The following B3GALT1 variants were observed in gnomAD, a reference collection of about 807,000 sequenced individuals.
The protein encoded by B3GALT1 is beta-1,3-galactosyltransferase 1.
In B3GALT1, 10 loss-of-function variants were observed where a neutral mutation model predicts 23.2. The observed-to-expected ratio is 0.43, with a 90% CI of 0.27 to 0.73. B3GALT1 has a LOEUF of 0.73. B3GALT1 is among the 30% of genes least tolerant of loss of function. The probability of loss-of-function intolerance (pLI) is 0.21; values close to 1 mark genes in which losing one functional copy is unlikely to be tolerated. For missense variants in B3GALT1, 299 were observed against 405.4 expected, an observed-to-expected ratio of 0.74 and a Z score of 2.25; for synonymous variants, 156 against 141.5, an observed-to-expected ratio of 1.10 and a Z score of -0.73.
chr2:167,673,417 A>G (rs1686367137), intron 3 of B3GALT1, among the ~76,000 whole-genome samples: 1 of 152,146 alleles, frequency 6.6e-6, no homozygotes, highest in Non-Finnish European at 1.5e-5. Context: ...TTGAAATAAC[A>G]GAAAATAGCA....
chr2:167,497,559 G>A (rs372380031), intron 2 of B3GALT1, among the ~76,000 whole-genome samples: 1 of 151,980 alleles, frequency 6.6e-6, no homozygotes, highest in African/African-American at 2.4e-5. Flanking sequence ...GATTGAATTG[G>A]GACAAAAGAG....
chr2:167,662,559 G>A (rs969881090), intron 3 of B3GALT1, among the ~76,000 whole-genome samples: 1 of 152,046 alleles, frequency 6.6e-6, no homozygotes, highest in African/African-American at 2.4e-5. Context: ...TATAATAGCC[G>A]ATTTACTACC....
chr2:167,848,987 CA>C (rs577356469), intron 4 of B3GALT1, among the ~76,000 whole-genome samples: 2 of 151,448 alleles, frequency 1.3e-5, no homozygotes, highest in African/African-American at 4.8e-5. Flanking sequence ...ACAATAGCTG[CA>C]AAAAAAATAA....
chr2:167,737,777 A>G (rs1192965476), intron 3 of B3GALT1, among the ~76,000 whole-genome samples: 1 of 152,212 alleles, frequency 6.6e-6, no homozygotes, highest in African/African-American at 2.4e-5. Flanking sequence ...AGTGGAAGCT[A>G]CATGTTAGCT....
intron 2 of B3GALT1, among the ~76,000 whole-genome samples, chr2:167,607,941 A>T (rs1030030732): frequency 6.6e-6 from 1 of 152,134 alleles, no homozygotes; most frequent in East Asian, 1.9e-4. Context: ...AGCTTAGTGC[A>T]ATTATCCTTC....
chr2:167,502,095 T>C (rs2105348752), intron 2 of B3GALT1, among the ~76,000 whole-genome samples: 1 of 152,336 alleles, frequency 6.6e-6, no homozygotes, highest in South Asian at 2.1e-4. Context: ...ACTGAAAGTT[T>C]CCTGAAAGGC....
intron 1 of B3GALT1, among the ~76,000 whole-genome samples, chr2:167,434,467 T>G (rs1698747877): frequency 1.3e-5 from 2 of 149,062 alleles, no homozygotes; most frequent in Admixed American, 1.3e-4. Flanking sequence ...TTCTAAACAC[T>G]GTATCATTTC....
At chr2:167,548,300 C>G (rs1285419241) in intron 2 of B3GALT1, among the ~76,000 whole-genome samples, 1 of 152,174 alleles carries the variant, frequency 6.6e-6, no homozygotes, top group Non-Finnish European at 1.5e-5. Flanking sequence ...AGAAATCAAG[C>G]TTACCAGTGA....
intron 2 of B3GALT1, among the ~76,000 whole-genome samples, chr2:167,580,222 C>A (rs1436004614): frequency 1.3e-5 from 2 of 152,120 alleles, no homozygotes; most frequent in Non-Finnish European, 2.9e-5. Flanking sequence ...AACTTACAAT[C>A]TTTTAAGATG....
intron 2 of B3GALT1, among the ~76,000 whole-genome samples, chr2:167,500,018 A>G (rs1699830342): frequency 6.6e-6 from 1 of 152,014 alleles, no homozygotes; most frequent in Non-Finnish European, 1.5e-5. Context: ...TGCGAGAGAG[A>G]CAGTCCAAGA....
At chr2:167,436,928 A>C (rs2105310518) in intron 1 of B3GALT1, among the ~76,000 whole-genome samples, 1 of 152,324 alleles carries the variant, frequency 6.6e-6, no homozygotes, top group East Asian at 1.9e-4. Context: ...CTATGCAGAC[A>C]TAAATGGGCA....
intron 1 of B3GALT1, among the ~76,000 whole-genome samples, chr2:167,335,204 C>G (rs975874467): frequency 6.6e-6 from 1 of 150,978 alleles, no homozygotes; most frequent in Non-Finnish European, 1.5e-5. Context: ...AAACGGTGGG[C>G]GGGGAGGGGG....
At chr2:167,342,292 C>CA in intron 1 of B3GALT1, among the ~76,000 whole-genome samples, 1 of 152,168 alleles carries the variant, frequency 6.6e-6, no homozygotes, top group Admixed American at 6.5e-5. Context: ...TGGAGTTTAT[C>CA]AAAAAGCAAC....
intron 3 of B3GALT1, among the ~76,000 whole-genome samples, chr2:167,739,497 T>A (rs1558964460): frequency 6.6e-6 from 1 of 152,212 alleles, no homozygotes. Flanking sequence ...GTTTTATTTC[T>A]CATATTTAGA....
chr2:167,532,831 A>G (rs1213445785), intron 2 of B3GALT1, among the ~76,000 whole-genome samples: 1 of 149,788 alleles, frequency 6.7e-6, no homozygotes, highest in Non-Finnish European at 1.5e-5. Flanking sequence ...GTCTGCAGAT[A>G]GAGAAAGACA....
chr2:167,855,575 T>C (rs112989643), intron 4 of B3GALT1, among the ~76,000 whole-genome samples: 19 of 152,344 alleles, frequency 1.2e-4, no homozygotes, highest in East Asian at 5.8e-4. Flanking sequence ...TGTCACAACA[T>C]TGATTTAACA....
At chr2:167,455,253 A>G (rs146201868) in intron 1 of B3GALT1, among the ~76,000 whole-genome samples, 94 of 152,330 alleles carry the variant, frequency 6.2e-4, no homozygotes, top group African/African-American at 2.1e-3. Flanking sequence ...ATTCAGACCA[A>G]CTGGAACGAG....
At chr2:167,750,053 T>C (rs1293319281) in intron 3 of B3GALT1, among the ~76,000 whole-genome samples, 2 of 152,240 alleles carry the variant, frequency 1.3e-5, no homozygotes, top group South Asian at 2.1e-4. Context: ...TTAGTAGTTA[T>C]GTATGTATTC....
At position 167,321,919 on chromosome 2, in the gene B3GALT1, AATT is replaced by A. The variant is rs548405995; in HGVS notation, c.-511+28588_-511+28590del. Among the ~76,000 whole-genome samples the A allele has an allele frequency of 1.0e-3, 152 of 152,158 alleles. 1 individual carries two copies. The highest frequency in any genetic ancestry group is 3.5e-3 in the African/African-American group (144 of 41,562). On this transcript the variant is annotated intron_variant, in intron 1 of 4. Coordinates refer to ENST00000392690, the MANE Select transcript of B3GALT1 (RefSeq NM_020981.4). Reference sequence around the variant, plus strand: ...AAGAGAATACCAATATTGAGCAAGTAATTATAGGAATATTTCATTTGAGGAATG... The same window carrying A: ...AAGAGAATACCAATATTGAGCAAGTAATAGGAATATTTCATTTGAGGAATG...
Sources: gnomAD v4.1 joint callset for allele counts (sites outside exome capture counted in the v4.1 genomes callset) on GRCh38, gnomAD v4.1.1 for gene constraint, MANE v1.5 for transcripts, NCBI Gene and HGNC (gene_info 2026-07-23, HGNC 2026-07-21) for gene names.